Variants in C1orf185 observed in about 807,000 individuals in gnomAD.
C1orf185 encodes the protein chromosome 1 open reading frame 185.
Under a neutral mutation model 16.1 loss-of-function variants are expected in C1orf185, and 13 were observed. That is an observed-to-expected ratio of 0.81 (90% confidence interval 0.53 to 1.28). C1orf185 has a LOEUF of 1.28. C1orf185 is among the 50% of genes most tolerant of loss of function. The pLI, the probability that C1orf185 is intolerant of heterozygous loss-of-function variation, is 0.00. For synonymous variants in C1orf185, 80 were observed against 76.9 expected (o/e 1.04, Z -0.21); for missense variants, 220 against 225.2 (o/e 0.98, Z 0.15).
intron 1 of C1orf185, among the ~76,000 whole-genome samples, chr1:51,103,774 A>T (rs1332249072): frequency 6.6e-6 from 1 of 152,134 alleles, no homozygotes; most frequent in African/African-American, 2.4e-5. Context: ...ACCTCAGGTG[A>T]TCTGCCTGCC....
intron 4 of C1orf185, 25 bp downstream of exon 4, chr1:51,145,785 G>A: frequency 8.3e-7 from 1 of 1,209,948 alleles, no homozygotes; most frequent in Non-Finnish European, 1.1e-6. Flanking sequence ...TAATTTATTA[G>A]AAGAAATCTT....
At chr1:51,102,335 C>A (rs985577804) in intron 1 of C1orf185, 86 bp downstream of exon 1, 4 of 695,216 alleles carry the variant, frequency 5.8e-6, no homozygotes, top group African/African-American at 5.3e-5. Flanking sequence ...AAATCTATTT[C>A]TATTCTCTGG....
At chr1:51,129,421 T>C (rs935280310) in intron 3 of C1orf185, among the ~76,000 whole-genome samples, 3 of 152,168 alleles carry the variant, frequency 2.0e-5, no homozygotes, top group Admixed American at 6.5e-5. Flanking sequence ...AATGGAGTCA[T>C]GTAACATGTG....
downstream of C1orf185, among the ~76,000 whole-genome samples, chr1:51,148,754 C>G (rs908961932): frequency 2.0e-5 from 3 of 151,782 alleles, no homozygotes; most frequent in Non-Finnish European, 2.9e-5. Context: ...TAGTGAGACC[C>G]AGTCTCTACA....
chr1:51,109,168 G>A (rs1192815756), intron 1 of C1orf185, among the ~76,000 whole-genome samples: 3 of 152,136 alleles, frequency 2.0e-5, no homozygotes, highest in Non-Finnish European at 4.4e-5. Flanking sequence ...TTTCCCTGAT[G>A]ATAGTGATGC....
At chr1:51,132,715 TA>T (rs1399592656) in intron 3 of C1orf185, among the ~76,000 whole-genome samples, 1 of 152,060 alleles carries the variant, frequency 6.6e-6, no homozygotes, top group East Asian at 1.9e-4. Context: ...AGAACTCCAG[TA>T]AGATACTTCA....
At position 51,141,240 on chromosome 1, in the gene C1orf185, C is replaced by T. The variant is rs929116407; in HGVS notation, c.259-4484C>T. Among the ~76,000 whole-genome samples the T allele has an allele frequency of 3.3e-5, 5 of 152,154 alleles. No individual in the cohort carries two copies. In the East Asian group the frequency reaches 5.8e-4, roughly 18 times the overall value. On this transcript the variant is annotated intron_variant, in intron 3 of 4. Coordinates refer to ENST00000371759, the MANE Select transcript of C1orf185 (RefSeq NM_001136508.2). ...GATGGTGGCTTATGTCTATAACCCT[C>T]GTACTTTGGGAGGCCAAGACAGCAG...
At chr1:51,103,425 A>ACACACACC (rs1206134750) in intron 1 of C1orf185, among the ~76,000 whole-genome samples, 1 of 147,894 alleles carries the variant, frequency 6.8e-6, no homozygotes, top group Non-Finnish European at 1.5e-5. Flanking sequence ...ACACACACAC[A>ACACACACC]CACACACACA....
At chr1:51,106,841 T>TC (rs1646076497) in intron 1 of C1orf185, among the ~76,000 whole-genome samples, 1 of 148,220 alleles carries the variant, frequency 6.7e-6, no homozygotes, top group African/African-American at 2.5e-5. Context: ...CACTGCAACC[T>TC]CCAACTCCCT....
At chr1:51,116,980 G>C (rs923583092) in intron 2 of C1orf185, among the ~76,000 whole-genome samples, 3 of 152,040 alleles carry the variant, frequency 2.0e-5, no homozygotes, top group African/African-American at 7.2e-5. Flanking sequence ...CACAATACCA[G>C]GTAGCTTTCC....
At chr1:51,113,536 T>C (rs1375438877) in intron 2 of C1orf185, among the ~76,000 whole-genome samples, 1 of 151,860 alleles carries the variant, frequency 6.6e-6, no homozygotes, top group Non-Finnish European at 1.5e-5. Context: ...ATAAACAAAG[T>C]TAGCCAGATG....
intron 3 of C1orf185, among the ~76,000 whole-genome samples, chr1:51,123,674 G>A (rs1646214152): frequency 6.6e-6 from 1 of 152,104 alleles, no homozygotes; most frequent in Non-Finnish European, 1.5e-5. Context: ...ACCAGCATTT[G>A]TTGTTGTCAG....
chr1:51,147,343 C>A, intron 4 of C1orf185, 124 bp from the exon 5 acceptor site: 1 of 799,266 alleles, frequency 1.3e-6, no homozygotes, highest in Non-Finnish European at 1.9e-6. Flanking sequence ...TTACATATAA[C>A]ACTGTGTGGA....
chr1:51,120,589 G>A (rs899062053), intron 3 of C1orf185, among the ~76,000 whole-genome samples: 1 of 152,112 alleles, frequency 6.6e-6, no homozygotes, highest in African/African-American at 2.4e-5. Context: ...TCTGACTTTC[G>A]AATGAAGGAC....
chr1:51,130,462 G>A (rs1646275083), intron 3 of C1orf185, among the ~76,000 whole-genome samples: 1 of 151,730 alleles, frequency 6.6e-6, no homozygotes, highest in African/African-American at 2.4e-5. Flanking sequence ...TGAGACTACA[G>A]ACATGTGCCA....
chr1:51,125,851 T>C (rs1646236023), intron 3 of C1orf185, among the ~76,000 whole-genome samples: 1 of 152,098 alleles, frequency 6.6e-6, no homozygotes, highest in South Asian at 2.1e-4. Context: ...CATTGGGTTT[T>C]AAATTTGTAC....
At chr1:51,114,872 C>T (rs891797990) in intron 2 of C1orf185, among the ~76,000 whole-genome samples, 7 of 152,200 alleles carry the variant, frequency 4.6e-5, no homozygotes, top group African/African-American at 1.7e-4. Context: ...GTAACCACCA[C>T]TCTGTCAAGA....
chr1:51,148,271 C>T (rs1288977915), downstream of C1orf185, among the ~76,000 whole-genome samples: 1 of 152,024 alleles, frequency 6.6e-6, no homozygotes, highest in African/African-American at 2.4e-5. Context: ...TTACAGGCGC[C>T]TACCACCATG....
At chr1:51,112,972 A>T (rs1646132218) in intron 2 of C1orf185, among the ~76,000 whole-genome samples, 1 of 151,798 alleles carries the variant, frequency 6.6e-6, no homozygotes, top group South Asian at 2.1e-4. Context: ...GGTTCGCACC[A>T]CGACACCCGC....
Sources: gnomAD v4.1 joint callset for allele counts (sites outside exome capture counted in the v4.1 genomes callset) on GRCh38, gnomAD v4.1.1 for gene constraint, MANE v1.5 for transcripts, NCBI Gene and HGNC (gene_info 2026-07-23, HGNC 2026-07-21) for gene names.